ASIC2: variants seen among roughly 807,000 people sequenced by gnomAD.
ASIC2 encodes acid sensing ion channel subunit 2.
Under a neutral mutation model 57.3 loss-of-function variants are expected in ASIC2, and 25 were observed. The ratio of observed to expected loss-of-function variants is 0.44; its 90% confidence interval spans 0.32 to 0.61. The LOEUF is 0.61. Ranked by LOEUF, ASIC2 falls within the 20% of genes least tolerant of loss-of-function variation. The pLI, the probability that ASIC2 is intolerant of heterozygous loss-of-function variation, is 0.06. For missense variants in ASIC2, 641 were observed against 738.1 expected, an observed-to-expected ratio of 0.87 and a Z score of 1.52; for synonymous variants, 319 against 307.5, an observed-to-expected ratio of 1.04 and a Z score of -0.39.
chr17:33,321,340 GACCATTTAAGTTC>G (rs1906860181), intron 1 of ASIC2, among the ~76,000 whole-genome samples: 1 of 152,136 alleles, frequency 6.6e-6, no homozygotes, highest in Non-Finnish European at 1.5e-5. Flanking sequence ...AGATAGAGGG[GACCATTTAAGTTC>G]ACCCATTCAT....
intron 1 of ASIC2, among the ~76,000 whole-genome samples, chr17:33,595,857 G>C (rs896349429): frequency 3.3e-5 from 5 of 152,184 alleles, no homozygotes; most frequent in African/African-American, 1.2e-4. Flanking sequence ...CCCATGAGAG[G>C]CTGGGCCCAG....
chr17:33,757,341 G>C lies in ASIC2; in HGVS notation c.555+398637C>G, dbSNP rs144190219. ...GGGACAAAAGGCAGAAGTTTCCCAG[G>C]GTAGGCATGGTGACTCACACCTGTA... On this transcript the variant is annotated intron_variant, in intron 1 of 9. Coordinates refer to the ASIC2 transcript ENST00000359872. 7.6e-3 allele frequency among the ~76,000 whole-genome samples: 1,162 copies of C among 152,274 alleles called. 7 individuals are homozygous for C. Among genetic ancestry groups the C allele is most frequent in the Non-Finnish European group, 0.011 (769 of 68,030 alleles).
At chr17:33,922,495 G>A (rs558119739) in intron 1 of ASIC2, among the ~76,000 whole-genome samples, 1 of 152,320 alleles carries the variant, frequency 6.6e-6, no homozygotes, top group South Asian at 2.1e-4. Context: ...CAGTCACTCA[G>A]ACAGAGAAGA....
At chr17:34,000,391 A>G (rs143323993) in intron 1 of ASIC2, among the ~76,000 whole-genome samples, 5,263 of 151,860 alleles carry the variant, frequency 0.035, 292 homozygotes, top group African/African-American at 0.12. Context: ...AGCTGGGATT[A>G]CAGGCGTGTG....
At chr17:33,206,031 G>T (rs1907047167) in intron 1 of ASIC2, among the ~76,000 whole-genome samples, 1 of 152,182 alleles carries the variant, frequency 6.6e-6, no homozygotes, top group Admixed American at 6.5e-5. Context: ...GATGGGAGAT[G>T]AGTTTCCAGG....
chr17:33,071,212 A>G (rs981935727), intron 3 of ASIC2, among the ~76,000 whole-genome samples: 5 of 152,126 alleles, frequency 3.3e-5, no homozygotes, highest in Admixed American at 3.3e-4. Context: ...CACCTGCCCC[A>G]TACTTCTTGA....
chr17:33,041,633 T>C (rs1318214386), intron 3 of ASIC2, among the ~76,000 whole-genome samples: 1 of 152,240 alleles, frequency 6.6e-6, no homozygotes, highest in African/African-American at 2.4e-5. Context: ...AATTCCCCTT[T>C]GGCTAGGGCT....
At chr17:33,983,475 T>C (rs1905698875) in intron 1 of ASIC2, among the ~76,000 whole-genome samples, 2 of 152,164 alleles carry the variant, frequency 1.3e-5, no homozygotes, top group Non-Finnish European at 2.9e-5. Context: ...CGATGACGTT[T>C]GGGCCTCAGG....
chr17:33,855,493 A>G (rs962385139), intron 1 of ASIC2, among the ~76,000 whole-genome samples: 1 of 152,244 alleles, frequency 6.6e-6, no homozygotes, highest in Non-Finnish European at 1.5e-5. Flanking sequence ...CAAAATGACT[A>G]TAATTTTACA....
At chr17:33,308,359 G>A (rs941961622) in intron 1 of ASIC2, among the ~76,000 whole-genome samples, 4 of 152,170 alleles carry the variant, frequency 2.6e-5, no homozygotes, top group African/African-American at 9.7e-5. Context: ...GTTCTATATA[G>A]TGGACTTGCT....
intron 1 of ASIC2, among the ~76,000 whole-genome samples, chr17:33,251,834 T>G (rs1908895295): frequency 6.6e-6 from 1 of 152,118 alleles, no homozygotes; most frequent in South Asian, 2.1e-4. Context: ...CCACCCCAAG[T>G]TGTTTCTAAA....
At chr17:33,193,238 T>C (rs1906495351) in intron 1 of ASIC2, among the ~76,000 whole-genome samples, 1 of 152,212 alleles carries the variant, frequency 6.6e-6, no homozygotes, top group African/African-American at 2.4e-5. Context: ...TTCCCCAGGA[T>C]GAATCCAGAG....
At chr17:33,155,564 C>CTTTTTTTTTTTTTTTTTT (rs558082080) in intron 1 of ASIC2, among the ~76,000 whole-genome samples, 1 of 130,820 alleles carries the variant, frequency 7.6e-6, no homozygotes, top group Non-Finnish European at 1.6e-5. Flanking sequence ...TTCTTTCTTT[C>CTTTTTTTTTTTTTTTTTT]TTTTTTTTTT....
chr17:33,156,742 C>T (rs552853952), intron 1 of ASIC2, among the ~76,000 whole-genome samples: 2 of 151,838 alleles, frequency 1.3e-5, no homozygotes, highest in East Asian at 1.9e-4. Context: ...GGCGACAGAG[C>T]GAGACTCCAT....
intron 1 of ASIC2, among the ~76,000 whole-genome samples, chr17:33,463,840 T>A (rs371267082): frequency 1.3e-5 from 2 of 152,308 alleles, no homozygotes; most frequent in Non-Finnish European, 2.9e-5. Context: ...TGAGAATGTG[T>A]CTCTCCCTCC....
chr17:34,052,078 T>C (rs1382330525), intron 1 of ASIC2, among the ~76,000 whole-genome samples: 2 of 152,190 alleles, frequency 1.3e-5, no homozygotes, highest in African/African-American at 4.8e-5. Context: ...CTTTCATCCA[T>C]CCATCCATCC....
At chr17:33,315,269 G>T (rs559786451) in intron 1 of ASIC2, among the ~76,000 whole-genome samples, 1 of 152,270 alleles carries the variant, frequency 6.6e-6, no homozygotes, top group Admixed American at 6.5e-5. Context: ...GAATAATGTT[G>T]CTCTCTGCAA....
chr17:33,898,902 T>C (rs996878071), intron 1 of ASIC2, among the ~76,000 whole-genome samples: 3 of 152,200 alleles, frequency 2.0e-5, no homozygotes, highest in Non-Finnish European at 4.4e-5. Context: ...TTTCCATTTT[T>C]CCATACTTAC....
At chr17:33,333,995 G>A (rs1907417684) in intron 1 of ASIC2, among the ~76,000 whole-genome samples, 1 of 152,200 alleles carries the variant, frequency 6.6e-6, no homozygotes, top group African/African-American at 2.4e-5. Flanking sequence ...TTCAGCCTGG[G>A]GCTGCAAAAT....
Sources: gnomAD v4.1 joint callset for allele counts (sites outside exome capture counted in the v4.1 genomes callset) on GRCh38, gnomAD v4.1.1 for gene constraint, MANE v1.5 for transcripts, NCBI Gene and HGNC (gene_info 2026-07-23, HGNC 2026-07-21) for gene names.